The following PCDHGA7 variants were observed in gnomAD, a reference collection of about 807,000 sequenced individuals.
The protein encoded by PCDHGA7 is protocadherin gamma subfamily A, 7, also known as protocadherin gamma-A7.
A neutral mutation model predicts 58.3 loss-of-function variants in PCDHGA7; 44 were observed. That is an observed-to-expected ratio of 0.75 (90% CI 0.59 to 0.97). PCDHGA7 has a LOEUF of 0.97. Among genes scored for constraint, PCDHGA7 ranks in the 50% least tolerant of loss-of-function variants. PCDHGA7 has a pLI of 0.00. For synonymous variants in PCDHGA7, 516 were observed against 504.2 expected (o/e 1.02, Z -0.31); for missense variants, 1,266 against 1,188.7 (o/e 1.06, Z -0.96).
chr5:141,423,335 G>T (rs781241820), intron 1 of PCDHGA7: 11 of 1,614,046 alleles, frequency 6.8e-6, no homozygotes, highest in Non-Finnish European at 9.3e-6. Context: ...GCAGTCTCCT[G>T]CATCTTCCTG....
At chr5:141,425,363 A>C (rs2096870488) in intron 1 of PCDHGA7, among the ~76,000 whole-genome samples, 1 of 152,212 alleles carries the variant, frequency 6.6e-6, no homozygotes, top group Non-Finnish European at 1.5e-5. Context: ...TGATATTAAG[A>C]GGGTTATGTT....
intron 1 of PCDHGA7, among the ~76,000 whole-genome samples, chr5:141,470,624 A>G (rs1421700811): frequency 6.6e-6 from 1 of 152,220 alleles, no homozygotes; most frequent in Non-Finnish European, 1.5e-5. Flanking sequence ...TCATGCTTAG[A>G]TAGGCCCCCT....
chr5:141,405,265 C>T lies in PCDHGA7; in HGVS notation c.2424+19942C>T, dbSNP rs769240639. The T allele has an allele frequency of 4.3e-6, 7 of 1,614,106 alleles. No homozygotes were observed. In the Admixed American group the frequency reaches 1.2e-4, roughly 27 times the overall value. Reference sequence around the variant, plus strand: ...CAAGGAAGAGTCACCTGATCTTCCCCCAGCCCAACTATGCAGACACACTCA... The same window carrying T: ...CAAGGAAGAGTCACCTGATCTTCCCTCAGCCCAACTATGCAGACACACTCA... On this transcript the variant is annotated intron_variant, in intron 1 of 3. Coordinates refer to ENST00000518325, the MANE Select transcript of PCDHGA7 (RefSeq NM_018920.4).
intron 1 of PCDHGA7, chr5:141,404,805 C>T (rs770534822): frequency 1.7e-5 from 28 of 1,613,842 alleles, no homozygotes; most frequent in Admixed American, 6.7e-5. Context: ...GGGCTCTTCT[C>T]GGTGGGGCTG....
chr5:141,442,485 G>A (rs1000683527), intron 1 of PCDHGA7: 2 of 152,248 alleles, frequency 1.3e-5, no homozygotes, highest in Non-Finnish European at 2.9e-5. Flanking sequence ...TGGGGAAGGG[G>A]ATGATTGTGA....
chr5:141,389,121 A>T (rs754294132), intron 1 of PCDHGA7: 2 of 1,613,910 alleles, frequency 1.2e-6, no homozygotes, highest in Non-Finnish European at 1.7e-6. Flanking sequence ...CCGCGAGCAG[A>T]ATCCAGAGTA....
At chr5:141,416,119 T>G (rs930613185) in intron 1 of PCDHGA7, 1 of 155,364 alleles carries the variant, frequency 6.4e-6, no homozygotes, top group Admixed American at 6.5e-5. Flanking sequence ...AACTACATTT[T>G]ATATATTTTT....
Position 141,486,989 on chromosome 5 carries a change from G to A in PCDHGA7, c.2425-7818G>A. 1.9e-6 allele frequency: 3 copies of A among 1,614,168 alleles called. No individual in the cohort carries two copies. Among genetic ancestry groups the A allele is most frequent in the Non-Finnish European group, 2.5e-6 (3 of 1,180,034 alleles). On this transcript the variant is annotated intron_variant, in intron 1 of 3. Transcript: ENST00000518325. This position sits in a 1 kb window ranked among gnomAD's most constrained non-coding sequence, Gnocchi z 5.0. ...CTTGGATTCAGGTTACAATGCTTGG[G>A]TTTCCTATCAGCTCCTGGAGGCCCC...
intron 1 of PCDHGA7, chr5:141,478,485 G>C (rs2099459345): frequency 1.2e-6 from 2 of 1,613,204 alleles, no homozygotes; most frequent in East Asian, 4.5e-5. Flanking sequence ...AACACGCTGC[G>C]GAGCTGTGAT....
chr5:141,441,883 A>T, intron 1 of PCDHGA7: 1 of 343,546 alleles, frequency 2.9e-6, no homozygotes, highest in South Asian at 2.6e-5. Context: ...CTACCTGGTC[A>T]CCAAGGTGGT....
chr5:141,395,511 T>G, intron 1 of PCDHGA7: 3 of 425,438 alleles, frequency 7.1e-6, no homozygotes, highest in Non-Finnish European at 1.3e-5. Context: ...AAGAAGTAGC[T>G]ACCCGTCCAT....
intron 1 of PCDHGA7, chr5:141,399,822 C>T (rs755182775): frequency 1.2e-6 from 2 of 1,613,084 alleles, no homozygotes; most frequent in Admixed American, 3.3e-5. Context: ...CGCTGGGTCC[C>T]GACGGCTCTG....
chr5:141,394,127 C>T lies in PCDHGA7; in HGVS notation c.2424+8804C>T, dbSNP rs376102299. 4.0e-5 allele frequency: 64 copies of T among 1,613,960 alleles called. No homozygotes were observed. The African/African-American group carries it at 7.1e-4, about 18-fold the overall frequency. ...CACCTCTGTCCACTGAAACTCAAAT[C>T]GCTCTGCACGTGGCAGACATTAACG... is the stretch of plus-strand genomic sequence containing the variant. On this transcript the variant is annotated intron_variant, in intron 1 of 3. Transcript: ENST00000518325.
At chr5:141,409,883 C>G (rs530193346) in intron 1 of PCDHGA7, 2 of 1,612,988 alleles carry the variant, frequency 1.2e-6, no homozygotes, top group South Asian at 2.2e-5. Context: ...CAACGCACCG[C>G]GGGTGCTGTA....
chr5:141,404,021 A>G, intron 1 of PCDHGA7: 1 of 1,613,894 alleles, frequency 6.2e-7, no homozygotes, highest in Non-Finnish European at 8.5e-7. Flanking sequence ...TAGCCCAGTG[A>G]GAGAAGACGC....
rs775331499 is a variant in PCDHGA7 at position 141,422,779 on chromosome 5, C to T, written c.2424+37456C>T. The T allele has an allele frequency of 8.7e-6, 14 of 1,614,070 alleles. No homozygotes were observed. In the East Asian group the frequency reaches 2.9e-4, roughly 33 times the overall value. ...CTCCAACACTGGTGTTCTCTATGCC[C>T]TACAATCCTTCGACTATGAGCAGTT... On this transcript the variant is annotated intron_variant, in intron 1 of 3. Transcript: ENST00000518325.
At chr5:141,420,334 T>A in intron 1 of PCDHGA7, 1 of 1,402,910 alleles carries the variant, frequency 7.1e-7, no homozygotes, top group Non-Finnish European at 9.5e-7. Context: ...TATATTCCAA[T>A]ATAGTGGTAT....
chr5:141,477,697 T>G lies in PCDHGA7; in HGVS notation c.2425-17110T>G, dbSNP rs745625196. ...TGTCATCCTTAGTGCCCCTAGACTA[T>G]GAGGATCGGCGGGAATTTGAATTAA... On this transcript the variant is annotated intron_variant, in intron 1 of 3. Coordinates refer to ENST00000518325, the MANE Select transcript of PCDHGA7 (RefSeq NM_018920.4). The surrounding 1 kb of genome is among the most constrained non-coding windows in gnomAD (Gnocchi z 4.9). 6.2e-7 allele frequency: 1 copy of G among 1,614,160 alleles called. No homozygotes were observed. Among genetic ancestry groups the G allele is most frequent in the South Asian group, 1.1e-5 (1 of 91,090 alleles).
chr5:141,476,179 T>C lies in PCDHGA7; in HGVS notation c.2425-18628T>C, dbSNP rs1283155400. 26 of 1,613,476 alleles carry C rather than the reference T, an allele frequency of 1.6e-5. No homozygotes were observed. The highest frequency in any genetic ancestry group is 2.0e-5 in the Non-Finnish European group (24 of 1,179,998). On this transcript the variant is annotated intron_variant, in intron 1 of 3. Transcript: ENST00000518325. This position sits in a 1 kb window ranked among gnomAD's most constrained non-coding sequence, Gnocchi z 7.6. Reference sequence around the variant, plus strand: ...CCGGGAGGGTAGTGGGAGTTTTGCTTCTGCTTGGTGCCTTGAACAAGGCTT... The same window carrying C: ...CCGGGAGGGTAGTGGGAGTTTTGCTCCTGCTTGGTGCCTTGAACAAGGCTT...
Sources: allele counts gnomAD v4.1 joint callset (sites outside exome capture counted in the v4.1 genomes callset), GRCh38; gene constraint gnomAD v4.1.1; non-coding constraint Gnocchi (gnomAD v3.1); transcripts MANE v1.5; gene names NCBI Gene and HGNC (gene_info 2026-07-23, HGNC 2026-07-21).